The following CLCA4 variants were observed in gnomAD, a reference collection of about 807,000 sequenced individuals.
The protein encoded by CLCA4 is chloride channel accessory 4, also known as calcium-activated chloride channel regulator 4.
A neutral mutation model predicts 78.9 loss-of-function variants in CLCA4; 69 were observed. The ratio of observed to expected loss-of-function variants is 0.87; its 90% CI spans 0.72 to 1.07. The LOEUF (loss-of-function observed/expected upper bound fraction) is 1.07, where lower values mean the gene tolerates loss of function less well. Among genes scored for constraint, CLCA4 ranks in the 50% least tolerant of loss-of-function variants. The pLI is 0.00. For missense variants in CLCA4, 1,133 were observed against 1,095.8 expected (o/e 1.03, Z -0.48); for synonymous variants, 362 against 375.8 (o/e 0.96, Z 0.42).
rs922283685 is a variant in CLCA4, at chr1:86,565,361, A to G, written c.645A>G (p.Thr215=). ...CLSRACRIDS[T]TKLYGKDCQF... is the part of the protein sequence containing the mutation. ...GTAGAGCATGCAGAATTGATTCTAC[A>G]ACAAAACTGTATGGAAAAGATTGTC... The change falls in exon 5 of 14, where the codon ACA becomes ACG. Residue 215 remains threonine (T), a synonymous_variant. Transcript: ENST00000370563. 1.2e-6 allele frequency: 2 copies of G among 1,609,524 alleles called. No homozygotes were observed. The highest frequency in any genetic ancestry group is 1.7e-6 in the Non-Finnish European group (2 of 1,176,560).
intron 1 of CLCA4, chr1:86,552,831 A>C: frequency 1.1e-6 from 1 of 878,182 alleles, no homozygotes; most frequent in Non-Finnish European, 1.9e-6. Flanking sequence ...GGGGGATTTT[A>C]GTCTCCAGCG....
At chr1:86,574,286 G>A (rs942129651) in intron 9 of CLCA4, among the ~76,000 whole-genome samples, 7 of 151,742 alleles carry the variant, frequency 4.6e-5, no homozygotes, top group Admixed American at 1.3e-4. Context: ...AGACAACCGG[G>A]AAAAAAACAG....
intron 1 of CLCA4, among the ~76,000 whole-genome samples, 191 bp downstream of exon 1, chr1:86,547,469 A>T (rs570264666): frequency 2.0e-5 from 3 of 152,204 alleles, no homozygotes; most frequent in East Asian, 1.9e-4. Flanking sequence ...TGTCGGGAAC[A>T]TTATAATTAT....
In CLCA4 at chr1:86,553,004, C is replaced by T; in HGVS notation, c.159+5726C>T. The T allele has an allele frequency of 4.8e-6, 3 of 624,894 alleles. No individual in the cohort carries two copies. The South Asian group carries it at 5.6e-5, about 12-fold the overall frequency. The allele number at this position is 624,894 out of a possible 1,614,324, so 38.7% of individuals were successfully genotyped here. On this transcript the variant is annotated intron_variant, in intron 1 of 13. Coordinates refer to ENST00000370563, the MANE Select transcript of CLCA4 (RefSeq NM_012128.4). ...CCCTGTGCGTGGCCGTCTCCCAAGC[C>T]AGAGGCAGGACGTGCCCCCTCCTGC...
chr1:86,566,010 G>T lies in CLCA4; in HGVS notation c.944G>T (p.Gly315Val). 3.1e-6 allele frequency: 5 copies of T among 1,611,846 alleles called. No individual in the cohort carries two copies. The highest frequency in any genetic ancestry group is 4.2e-6 in the Non-Finnish European group (5 of 1,178,476). Reference sequence around the variant, plus strand: ...GTGTGCTTAGTTCTTGATAAGTCTGGAAGCATGGGGGTAAGATCACTTTTT... The same window carrying T: ...GTGTGCTTAGTTCTTGATAAGTCTGTAAGCATGGGGGTAAGATCACTTTTT... Reference protein sequence around the residue: ...RIVCLVLDKSGSMGGKDRLNR... With the variant: ...RIVCLVLDKSVSMGGKDRLNR... The change falls in exon 6 of 14, where the codon GGA becomes GTA. Residue 315 changes from glycine (G) to valine (V), a missense_variant. By Grantham distance (109) the Gly-to-Val change is moderately radical. Coordinates refer to ENST00000370563, the MANE Select transcript of CLCA4 (RefSeq NM_012128.4).
intron 3 of CLCA4, among the ~76,000 whole-genome samples, chr1:86,563,308 C>T (rs1447659129): frequency 1.3e-5 from 2 of 151,410 alleles, no homozygotes; most frequent in Non-Finnish European, 2.9e-5. Flanking sequence ...TGAATTCCTT[C>T]ATTTTAACAT....
intron 9 of CLCA4, among the ~76,000 whole-genome samples, chr1:86,574,283 C>T (rs1166619540): frequency 1.1e-4 from 16 of 151,980 alleles, no homozygotes; most frequent in African/African-American, 3.6e-4. Flanking sequence ...CCAAGACAAC[C>T]GGGAAAAAAA....
Position 86,570,222 on chromosome 1 carries a change from T to G in CLCA4, c.1183-855T>G, listed in dbSNP as rs1191145561. 2.6e-5 allele frequency among the ~76,000 whole-genome samples: 4 copies of G among 151,962 alleles called. No homozygotes were observed. The South Asian group carries it at 6.2e-4, about 24-fold the overall frequency. On this transcript the variant is annotated intron_variant, in intron 7 of 13. Transcript: ENST00000370563. Reference sequence around the variant, plus strand: ...AATCTACACACACACCTTCACTCCATGCCAAAGAAAGTCACTGACAATCTG... The same window carrying G: ...AATCTACACACACACCTTCACTCCAGGCCAAAGAAAGTCACTGACAATCTG...
In CLCA4 at chr1:86,574,732, C is replaced by A; in HGVS notation, c.1660C>A (p.Leu554Ile). ...GGATGCAACTTCCAAAATGGCCTAT[C>A]TCAGTATTCCAGGAACTGCAAAGGT... ...TVDATSKMAY[L>I]SIPGTAKVGT... is the part of the protein sequence containing the mutation. The change falls in exon 10 of 14, where the codon CTC (leucine) becomes ATC (isoleucine). Residue 554 changes from leucine (L) to isoleucine (I), a missense_variant. Coordinates refer to ENST00000370563, the MANE Select transcript of CLCA4 (RefSeq NM_012128.4). 1 of 1,612,926 alleles carries A rather than the reference C, an allele frequency of 6.2e-7. No homozygotes were observed. The highest frequency in any genetic ancestry group is 8.5e-7 in the Non-Finnish European group (1 of 1,179,240).
chr1:86,579,311 C>T (rs1650630652), intron 12 of CLCA4, 43 bp from the exon 13 acceptor site: 1 of 1,341,710 alleles, frequency 7.5e-7, no homozygotes, highest in East Asian at 2.3e-5. Context: ...ATAATAAATA[C>T]CAGTAGTTTT....
rs905682941 is a variant in CLCA4, at chr1:86,572,614, G to A, written c.1361G>A (p.Gly454Glu). ...EAVIEMSKIT[G>E]GSHFYVSDEA... ...TCTAATTAATGCATTTACATTTTAGGAGGAAGTCATTTTTATGTTTCAGAT... is the reference window on the plus strand; with the variant it reads ...TCTAATTAATGCATTTACATTTTAGAAGGAAGTCATTTTTATGTTTCAGAT... The change falls in exon 9 of 14, where the codon GGA (glycine) becomes GAA (glutamate). Residue 454 changes from glycine to glutamate, a missense_variant and splice_region_variant. Coordinates refer to ENST00000370563, the MANE Select transcript of CLCA4 (RefSeq NM_012128.4). The A allele has an allele frequency of 6.4e-7, 1 of 1,571,694 alleles. No homozygotes were observed. The highest frequency in any genetic ancestry group is 8.8e-7 in the Non-Finnish European group (1 of 1,142,726).
chr1:86,557,454 A>G (rs555073381), intron 1 of CLCA4, among the ~76,000 whole-genome samples: 2 of 152,206 alleles, frequency 1.3e-5, no homozygotes, highest in East Asian at 3.9e-4. Context: ...TTCTGCTTTA[A>G]TTTTATTATT....
chr1:86,548,677 C>T (rs1372806762), intron 1 of CLCA4, among the ~76,000 whole-genome samples: 1 of 117,188 alleles, frequency 8.5e-6, no homozygotes, highest in Non-Finnish European at 1.7e-5. Flanking sequence ...GCAAGACTCC[C>T]TCTCTGGAAA....
intron 7 of CLCA4, among the ~76,000 whole-genome samples, chr1:86,567,971 A>C (rs1650249954): frequency 6.6e-6 from 1 of 152,056 alleles, no homozygotes; most frequent in South Asian, 2.1e-4. Flanking sequence ...TGGATGCAAA[A>C]GCCATTAACA....
chr1:86,570,881 AGCTGGGAGT>A, intron 7 of CLCA4, among the ~76,000 whole-genome samples, 187 bp from the exon 8 acceptor site: 1 of 152,216 alleles, frequency 6.6e-6, no homozygotes, highest in South Asian at 2.1e-4. Context: ...TACTACCTGC[AGCTGGGAGT>A]TAAAAAAATT....
At chr1:86,569,535 T>A (rs1189056934) in intron 7 of CLCA4, among the ~76,000 whole-genome samples, 1 of 151,974 alleles carries the variant, frequency 6.6e-6, no homozygotes, top group Non-Finnish European at 1.5e-5. Flanking sequence ...TCCAGGAAGA[T>A]GATTCCAATT....
intron 11 of CLCA4, among the ~76,000 whole-genome samples, chr1:86,577,328 A>G (rs779241160): frequency 6.6e-6 from 1 of 152,114 alleles, no homozygotes; most frequent in Non-Finnish European, 1.5e-5. Flanking sequence ...TAGTCTGCAG[A>G]CAAACTTTAG....
At chr1:86,563,232 G>T (rs1202425477) in intron 3 of CLCA4, among the ~76,000 whole-genome samples, 1 of 99,818 alleles carries the variant, frequency 1.0e-5, no homozygotes, top group Non-Finnish European at 2.3e-5. Flanking sequence ...GTATTGCATT[G>T]AATATATATA....
At chr1:86,553,800 G>A (rs1320855948) in intron 1 of CLCA4, among the ~76,000 whole-genome samples, 2 of 152,110 alleles carry the variant, frequency 1.3e-5, no homozygotes, top group Non-Finnish European at 2.9e-5. Context: ...GCTGGGCCCA[G>A]TGGCAGGCGC....
Sources: allele counts gnomAD v4.1 joint callset (sites outside exome capture counted in the v4.1 genomes callset), GRCh38; gene constraint gnomAD v4.1.1; transcripts MANE v1.5; gene names NCBI Gene and HGNC (gene_info 2026-07-23, HGNC 2026-07-21).